Variants in WWOX observed in about 807,000 individuals in gnomAD.
WWOX encodes the protein WW domain containing oxidoreductase.
Under a neutral mutation model 46.2 loss-of-function variants are expected in WWOX, and 69 were observed. The ratio of observed to expected loss-of-function variants is 1.49; its 90% CI spans 1.23 to 1.82. The LOEUF (loss-of-function observed/expected upper bound fraction) is 1.82. WWOX is among the 40% of genes most tolerant of loss of function. The pLI is 0.00. For synonymous variants in WWOX, 359 were observed against 202.6 expected (o/e 1.77, Z -6.56); for missense variants, 919 against 542.6 (o/e 1.69, Z -6.89).
intron 8 of WWOX, among the ~76,000 whole-genome samples, chr16:78,741,519 C>G (rs748110940): frequency 6.6e-6 from 1 of 151,994 alleles, no homozygotes; most frequent in Non-Finnish European, 1.5e-5. Flanking sequence ...AAGATCACCA[C>G]TGCACCCCAG....
intron 8 of WWOX, among the ~76,000 whole-genome samples, chr16:78,907,427 C>T (rs536219797): frequency 7.9e-4 from 121 of 152,312 alleles, no homozygotes; most frequent in African/African-American, 2.8e-3. Context: ...CACTCTTTAG[C>T]AGAATTCAGG....
chr16:78,325,435 A>G (rs944815640), intron 5 of WWOX, among the ~76,000 whole-genome samples: 2 of 152,176 alleles, frequency 1.3e-5, no homozygotes, highest in Non-Finnish European at 1.5e-5. Flanking sequence ...TGCCTTTTTA[A>G]CTGGTGATAG....
chr16:78,582,973 A>C (rs561716384), intron 8 of WWOX, among the ~76,000 whole-genome samples: 2 of 152,322 alleles, frequency 1.3e-5, no homozygotes, highest in South Asian at 4.1e-4. Context: ...GACAGAGTGC[A>C]TGTTGTCAAA....
chr16:78,101,766 A>G (rs1388253762), intron 1 of WWOX, among the ~76,000 whole-genome samples: 1 of 152,154 alleles, frequency 6.6e-6, no homozygotes, highest in Non-Finnish European at 1.5e-5. Flanking sequence ...CCAAGTTCTG[A>G]TGAGTTCATT....
intron 8 of WWOX, among the ~76,000 whole-genome samples, chr16:79,161,667 C>G (rs1438875588): frequency 6.6e-6 from 1 of 152,086 alleles, no homozygotes; most frequent in Non-Finnish European, 1.5e-5. Flanking sequence ...GGATTACACC[C>G]ACCACCATGC....
At chr16:78,885,299 T>C (rs1273988711) in intron 8 of WWOX, among the ~76,000 whole-genome samples, 1 of 151,956 alleles carries the variant, frequency 6.6e-6, no homozygotes, top group Non-Finnish European at 1.5e-5. Context: ...TACTAAATTA[T>C]CCAGTCTTAT....
At chr16:78,752,105 C>A (rs564068006) in intron 8 of WWOX, among the ~76,000 whole-genome samples, 1 of 152,162 alleles carries the variant, frequency 6.6e-6, no homozygotes, top group African/African-American at 2.4e-5. Flanking sequence ...TTTAAATAAT[C>A]AGTCAGTTGT....
intron 8 of WWOX, among the ~76,000 whole-genome samples, chr16:78,761,432 C>T (rs893803058): frequency 2.6e-5 from 4 of 152,074 alleles, no homozygotes; most frequent in Admixed American, 6.6e-5. Flanking sequence ...CCTCTCGGTT[C>T]CCAGACCATC....
At chr16:78,448,304 C>T (rs574231097) in intron 8 of WWOX, among the ~76,000 whole-genome samples, 1 of 152,124 alleles carries the variant, frequency 6.6e-6, no homozygotes, top group South Asian at 2.1e-4. Context: ...TAATAAAACT[C>T]TATGTATTAG....
intron 8 of WWOX, among the ~76,000 whole-genome samples, chr16:78,861,131 G>T (rs983016895): frequency 6.6e-6 from 1 of 152,062 alleles, no homozygotes; most frequent in Admixed American, 6.6e-5. Context: ...CAGAGGTCCT[G>T]TCTGCCTGCC....
chr16:78,373,440 C>T (rs2081743146), intron 5 of WWOX, among the ~76,000 whole-genome samples: 1 of 152,122 alleles, frequency 6.6e-6, no homozygotes, highest in African/African-American at 2.4e-5. Flanking sequence ...TGAGAAATAG[C>T]CCAGGAGTTA....
At chr16:78,103,845 C>G (rs540353987) in intron 1 of WWOX, among the ~76,000 whole-genome samples, 9 of 152,038 alleles carry the variant, frequency 5.9e-5, no homozygotes, top group African/African-American at 2.2e-4. Context: ...GGAACCCGGT[C>G]TTGTGTGGGT....
intron 8 of WWOX, among the ~76,000 whole-genome samples, chr16:79,161,153 A>C (rs2050478935): frequency 6.6e-6 from 1 of 152,172 alleles, no homozygotes; most frequent in African/African-American, 2.4e-5. Context: ...TTCTGGACTC[A>C]CTTCCAGGAT....
chr16:78,574,564 A>G (rs2044801006), intron 8 of WWOX, among the ~76,000 whole-genome samples: 1 of 151,960 alleles, frequency 6.6e-6, no homozygotes, highest in South Asian at 2.1e-4. Flanking sequence ...AAAGACTACT[A>G]CCTGTGTTGT....
intron 5 of WWOX, among the ~76,000 whole-genome samples, chr16:78,261,002 T>C (rs1399880876): frequency 1.3e-5 from 2 of 150,802 alleles, no homozygotes; most frequent in South Asian, 2.1e-4. Flanking sequence ...ATAATGAAAG[T>C]ATGAAATTTT....
chr16:78,399,838 C>G (rs571499899), intron 6 of WWOX, among the ~76,000 whole-genome samples: 1 of 152,190 alleles, frequency 6.6e-6, no homozygotes, highest in Non-Finnish European at 1.5e-5. Flanking sequence ...ACACTGAAAT[C>G]ACATTTTAAT....
At chr16:78,407,607 C>A (rs1458401927) in intron 6 of WWOX, among the ~76,000 whole-genome samples, 2 of 152,148 alleles carry the variant, frequency 1.3e-5, no homozygotes, top group African/African-American at 2.4e-5. Context: ...AATGATATGT[C>A]TCATTCTTGG....
chr16:78,304,520 A>G (rs1220651034), intron 5 of WWOX, among the ~76,000 whole-genome samples: 3 of 152,338 alleles, frequency 2.0e-5, no homozygotes, highest in Non-Finnish European at 4.4e-5. Flanking sequence ...AAATGTCTGC[A>G]GGGTAAGCAC....
intron 8 of WWOX, among the ~76,000 whole-genome samples, chr16:78,436,531 ATATT>A (rs1029577149): frequency 2.0e-5 from 3 of 152,186 alleles, no homozygotes; most frequent in Non-Finnish European, 2.9e-5. Flanking sequence ...GTGTATTTAT[ATATT>A]TAAGCGTTTG....
Sources: allele counts gnomAD v4.1 joint callset (sites outside exome capture counted in the v4.1 genomes callset), GRCh38; gene constraint gnomAD v4.1.1; transcripts MANE v1.5; gene names NCBI Gene and HGNC (gene_info 2026-07-23, HGNC 2026-07-21).